The following ADGRB2 variants were observed in gnomAD, a reference collection of about 807,000 sequenced individuals.
ADGRB2 encodes the protein brain-specific angiogenesis inhibitor 2.
Under a neutral mutation model 178.7 loss-of-function variants are expected in ADGRB2, and 47 were observed. That is an observed-to-expected ratio of 0.26 (90% CI 0.21 to 0.34). The LOEUF (loss-of-function observed/expected upper bound fraction) is 0.34, where lower values mean the gene tolerates loss of function less well. Among genes scored for constraint, ADGRB2 ranks in the 10% least tolerant of loss-of-function variants. The probability of loss-of-function intolerance (pLI) is 1.00; values close to 1 mark genes in which losing one functional copy is unlikely to be tolerated. For synonymous variants in ADGRB2, 870 were observed against 912.4 expected (o/e 0.95, Z 0.84); for missense variants, 1,584 against 2,180.8 (o/e 0.73, Z 5.45).
intron 4 of ADGRB2, among the ~76,000 whole-genome samples, chr1:31,752,497 T>G (rs1338286060): frequency 1.3e-5 from 2 of 151,818 alleles, no homozygotes; most frequent in Non-Finnish European, 2.9e-5. Context: ...AGCAGCAGGG[T>G]CTGAGCGCTG....
chr1:31,731,037 G>T lies in ADGRB2; in HGVS notation c.4143C>A (p.Thr1381=). The change falls in exon 29 of 33, where the codon ACC becomes ACA. Residue 1381 remains threonine (T), a synonymous_variant. Transcript: ENST00000373658. The part of the protein sequence containing the change: ...EDAPRARPEG[T]PRRAAKTVAH... The stretch of plus-strand genomic sequence containing the variant: ...CCACTGTCTTGGCAGCTCGCCGGGG[G>T]GTCCCCTCCGGCCGGGCCCTGGGGG... The T allele has an allele frequency of 6.3e-7, 1 of 1,585,390 alleles. No individual in the cohort carries two copies. Among genetic ancestry groups the T allele is most frequent in the Non-Finnish European group, 8.6e-7 (1 of 1,163,436 alleles).
At position 31,739,490 on chromosome 1, in the gene ADGRB2, T is replaced by G; in HGVS notation, c.2313A>C (p.Pro771=). ...LPKEVLSLSS[P]GKPATSGAAG... ...CTGCCCCAGATGTGGCTGGCTTCCC[T>G]GGGGAGGAGAGGCTGAGCACCTCCT... Residue 771 remains proline, a synonymous_variant, in exon 15 of 33, where the codon CCA becomes CCC. Transcript: ENST00000373658. 5 of 1,612,412 alleles carry G rather than the reference T, an allele frequency of 3.1e-6. No individual in the cohort carries two copies. The highest frequency in any genetic ancestry group is 4.2e-6 in the Non-Finnish European group (5 of 1,179,658).
At chr1:31,748,171 C>G (rs1043286972) in intron 4 of ADGRB2, among the ~76,000 whole-genome samples, 1 of 152,224 alleles carries the variant, frequency 6.6e-6, no homozygotes. Flanking sequence ...CACAATGTAA[C>G]AGGAGGGGCA....
Position 31,756,025 on chromosome 1 carries a change from T to A in ADGRB2, c.812A>T (p.Asp271Val). 6.2e-7 allele frequency: 1 copy of A among 1,613,568 alleles called. No individual in the cohort carries two copies. ...EADLHSGSSNDLFTTEMRYGE... is the reference protein window; with the variant it reads ...EADLHSGSSNVLFTTEMRYGE... ...ATATCTCATCTCGGTTGTGAACAGATCATTGCTGCTCCCCGAGTGCAAATC... is the reference window on the plus strand; with the variant it reads ...ATATCTCATCTCGGTTGTGAACAGAACATTGCTGCTCCCCGAGTGCAAATC... The change falls in exon 4 of 33, where the codon GAT (aspartate) becomes GTT (valine). Residue 271 changes from aspartate (D) to valine (V), a missense_variant. Asp to Val is a radical substitution (Grantham distance 152). Around this residue, in one of 3 missense-constraint regions of ADGRB2, gnomAD observed 657 missense variants for 847.6 expected, o/e 0.78. Coordinates refer to ENST00000373658, the MANE Select transcript of ADGRB2 (RefSeq NM_001364857.2). The surrounding 1 kb of genome is among the most constrained non-coding windows in gnomAD (Gnocchi z 8.5).
chr1:31,740,796 T>C lies in ADGRB2; in HGVS notation c.1795-255A>G, dbSNP rs1387440146. Among the ~76,000 whole-genome samples, 1 of 151,722 alleles carries C rather than the reference T, an allele frequency of 6.6e-6. No homozygotes were observed. On this transcript the variant is annotated intron_variant, in intron 11 of 32. Transcript: ENST00000373658. The surrounding 1 kb of genome is among the most constrained non-coding windows in gnomAD (Gnocchi z 5.9). ...GAGAAAAAAGGTGTTCAGATGTACA[T>C]ATAAAAGATATAAGCACAGTATGGG...
chr1:31,757,629 T>C (rs978170739), intron 1 of ADGRB2, 118 bp from the exon 2 acceptor site: 7 of 229,822 alleles, frequency 3.0e-5, no homozygotes, highest in Non-Finnish European at 5.2e-5. Flanking sequence ...ATCTGTAAAA[T>C]GGGTGCAGAA....
intron 4 of ADGRB2, among the ~76,000 whole-genome samples, chr1:31,745,559 A>C (rs1271997858): frequency 6.6e-6 from 1 of 152,182 alleles, no homozygotes; most frequent in African/African-American, 2.4e-5. Context: ...TGAGCTCATC[A>C]GGGCCCTCTC....
chr1:31,763,441 C>T (rs1320334913), intron 1 of ADGRB2, among the ~76,000 whole-genome samples: 1 of 141,208 alleles, frequency 7.1e-6, no homozygotes, highest in African/African-American at 2.7e-5. Flanking sequence ...GAGCAGGGTC[C>T]GGCATTCAGA....
chr1:31,749,352 T>C (rs1203687470), intron 4 of ADGRB2, among the ~76,000 whole-genome samples: 1 of 152,148 alleles, frequency 6.6e-6, no homozygotes, highest in Non-Finnish European at 1.5e-5. Flanking sequence ...TGTCCAATAC[T>C]GTTTCCCACA....
Position 31,740,147 on chromosome 1 carries a change from T to G in ADGRB2, c.2021A>C (p.Asp674Ala), listed in dbSNP as rs1369163592. The change falls in exon 13 of 33, where the codon GAT becomes GCT. Residue 674 changes from aspartate to alanine, a missense_variant. Asp to Ala is a moderately radical substitution (Grantham distance 126). This residue lies in a region of ADGRB2 where 62 missense variants were observed against 140.3 expected (regional missense o/e 0.44). Coordinates refer to ENST00000373658, the MANE Select transcript of ADGRB2 (RefSeq NM_001364857.2). The surrounding 1 kb of genome is among the most constrained non-coding windows in gnomAD (Gnocchi z 5.9). The stretch of plus-strand genomic sequence containing the variant: ...GTCCCACTTCTCCTTGTTTTCCGCA[T>G]CCACCATGAAGCTCACCACCTGGAA... ...RFFQVVSFMV[D>A]AENKEKWDDA... 3 of 1,614,106 alleles carry G rather than the reference T, an allele frequency of 1.9e-6. No individual in the cohort carries two copies. The highest frequency in any genetic ancestry group is 2.5e-6 in the Non-Finnish European group (3 of 1,180,018).
Position 31,756,207 on chromosome 1 carries a change from G to A in ADGRB2, c.630C>T (p.Arg210=), listed in dbSNP as rs773000127. 2.2e-5 allele frequency: 35 copies of A among 1,613,600 alleles called. No individual in the cohort carries two copies. The Middle Eastern group carries it at 5.0e-4, about 23-fold the overall frequency. Residue 210 remains arginine (R), a synonymous_variant, in exon 4 of 33, where the codon CGC becomes CGT. Transcript: ENST00000373658. This position sits in a 1 kb window ranked among gnomAD's most constrained non-coding sequence, Gnocchi z 8.5. ...VLCRWSEECG[R]AAGRACGFAQ... ...CAAAGCCGCAGGCCCTGCCGGCAGCGCGGCCACACTCCTCACTCCAGCGGC... is the reference window on the plus strand; with the variant it reads ...CAAAGCCGCAGGCCCTGCCGGCAGCACGGCCACACTCCTCACTCCAGCGGC...
chr1:31,738,683 C>T, intron 16 of ADGRB2, 53 bp from the exon 17 acceptor site: 1 of 1,606,980 alleles, frequency 6.2e-7, no homozygotes, highest in Non-Finnish European at 8.5e-7. Context: ...CACCACACCC[C>T]ACCACTGCCC....
Position 31,755,918 on chromosome 1 carries a change from C to G in ADGRB2, c.838+81G>C. On this transcript the variant is annotated intron_variant, in intron 4 of 32. Coordinates refer to ENST00000373658, the MANE Select transcript of ADGRB2 (RefSeq NM_001364857.2). This position sits in a 1 kb window ranked among gnomAD's most constrained non-coding sequence, Gnocchi z 5.1. ...CATCAGTGAACAGCTACATGCATGG[C>G]CGAGGATCTGCCAGGATGGACACCA... is the stretch of plus-strand genomic sequence containing the variant. 3 of 1,524,828 alleles carry G rather than the reference C, an allele frequency of 2.0e-6. No individual in the cohort carries two copies. Among genetic ancestry groups the G allele is most frequent in the Non-Finnish European group, 2.7e-6 (3 of 1,130,422 alleles). The allele number at this position is 1,524,828 out of a possible 1,614,324, so 94.5% of individuals were successfully genotyped here. A position where few individuals can be genotyped will look rare whatever the true frequency, so the allele number is the denominator to read the frequency against.
Position 31,756,502 on chromosome 1 carries a change from G to A in ADGRB2, c.335C>T (p.Pro112Leu). The A allele has an allele frequency of 1.2e-6, 2 of 1,612,982 alleles. No individual in the cohort carries two copies. The highest frequency in any genetic ancestry group is 1.3e-5 in the African/African-American group (1 of 75,056). The change falls in exon 4 of 33, where the codon CCT (proline) becomes CTT (leucine). Residue 112 changes from proline to leucine, a missense_variant. Physicochemically the swap from Pro to Leu is moderately conservative, Grantham distance 98 (BLOSUM62 -3). Coordinates refer to ENST00000373658, the MANE Select transcript of ADGRB2 (RefSeq NM_001364857.2). This position sits in a 1 kb window ranked among gnomAD's most constrained non-coding sequence, Gnocchi z 8.5. ...HYLVNFTCLR[P>L]SPEEAVAQAE... ...CTGGGCCACCGCCTCCTCGGGGCTA[G>A]GCCGCAGGCAGGTAAAGTTGACCAG...
chr1:31,732,333 T>C (rs1460019169), intron 27 of ADGRB2, among the ~76,000 whole-genome samples, 179 bp from the exon 28 acceptor site: 1 of 152,178 alleles, frequency 6.6e-6, no homozygotes, highest in Non-Finnish European at 1.5e-5. Flanking sequence ...ACCTGATGGC[T>C]AGGAAAACTG....
chr1:31,729,339 A>T (rs1233192767), intron 29 of ADGRB2, among the ~76,000 whole-genome samples: 1 of 152,054 alleles, frequency 6.6e-6, no homozygotes, highest in African/African-American at 2.4e-5. Context: ...TACTAGGACC[A>T]CCATCTGGAT....
In ADGRB2 at chr1:31,735,151, A is replaced by G; in HGVS notation, c.3452+32T>C. ...CCCCCCCAATTCCTTTGCCCCACCCACCCCCACCGCCCCCCAGGGGGCACG... is the reference window on the plus strand; with the variant it reads ...CCCCCCCAATTCCTTTGCCCCACCCGCCCCCACCGCCCCCCAGGGGGCACG... On this transcript the variant is annotated intron_variant, in intron 25 of 32. Transcript: ENST00000373658. This position sits in a 1 kb window ranked among gnomAD's most constrained non-coding sequence, Gnocchi z 6.0. 1 of 329,064 alleles carries G rather than the reference A, an allele frequency of 3.0e-6. No individual in the cohort carries two copies. Among genetic ancestry groups the G allele is most frequent in the African/African-American group, 5.5e-5 (1 of 18,194 alleles). 20.4% of individuals were successfully genotyped at this position (329,064 alleles called of 1,614,324 possible). A position where few individuals can be genotyped will look rare whatever the true frequency, so the allele number is the denominator to read the frequency against.
chr1:31,740,255 C>T lies in ADGRB2; in HGVS notation c.1990-77G>A. 6.2e-7 allele frequency: 1 copy of T among 1,607,510 alleles called. No homozygotes were observed. The highest frequency in any genetic ancestry group is 8.5e-7 in the Non-Finnish European group (1 of 1,175,898). On this transcript the variant is annotated intron_variant, in intron 12 of 32. Transcript: ENST00000373658. The surrounding 1 kb of genome is among the most constrained non-coding windows in gnomAD (Gnocchi z 5.9). ...GCTTCCCCCACTATAGCCACACTTG[C>T]CGCCTCTACAGCAGACTCTGCCTAG...
At chr1:31,747,707 G>A (rs925820249) in intron 4 of ADGRB2, among the ~76,000 whole-genome samples, 2 of 152,170 alleles carry the variant, frequency 1.3e-5, no homozygotes, top group African/African-American at 4.8e-5. Flanking sequence ...GGGAATGCCA[G>A]CACAAAACTC....
Sources: allele counts gnomAD v4.1 joint callset (sites outside exome capture counted in the v4.1 genomes callset), GRCh38; gene constraint gnomAD v4.1.1; regional missense constraint gnomAD v4.1.1; non-coding constraint Gnocchi (gnomAD v3.1); transcripts MANE v1.5; gene names NCBI Gene and HGNC (gene_info 2026-07-23, HGNC 2026-07-21).